The following P4HA1 variants were observed in gnomAD, a reference collection of about 807,000 sequenced individuals.
P4HA1 encodes the protein prolyl 4-hydroxylase subunit alpha-1.
A neutral mutation model predicts 72.8 loss-of-function variants in P4HA1; 24 were observed. The ratio of observed to expected loss-of-function variants is 0.33; its 90% CI spans 0.24 to 0.46. The LOEUF (loss-of-function observed/expected upper bound fraction) is 0.46. Ranked by LOEUF, P4HA1 falls within the 20% of genes least tolerant of loss-of-function variation. The pLI, the probability that P4HA1 is intolerant of heterozygous loss-of-function variation, is 1.00. For missense variants in P4HA1, 446 were observed against 640.6 expected (o/e 0.70, Z 3.28); for synonymous variants, 201 against 218.8 (o/e 0.92, Z 0.72).
chr10:73,047,013 T>C lies in P4HA1; in HGVS notation c.989A>G (p.Asp330Gly). ...AATAATACGAGGCTTGTCCCATTCA[T>C]CCTCCTGTTTAGCTGGAGCCAGAAT... ...KFILAPAKQE[D>G]EWDKPRIIRF... Residue 330 changes from aspartate (D) to glycine (G), a missense_variant, in exon 8 of 15, where the codon GAT (aspartate) becomes GGT (glycine). By Grantham distance (94) the Asp-to-Gly change is moderately conservative (BLOSUM62 -1). Coordinates refer to ENST00000394890, the MANE Select transcript of P4HA1 (RefSeq NM_001017962.3). The C allele has an allele frequency of 6.2e-7, 1 of 1,612,964 alleles. No homozygotes were observed. Among genetic ancestry groups the C allele is most frequent in the Non-Finnish European group, 8.5e-7 (1 of 1,178,976 alleles).
intron 5 of P4HA1, among the ~76,000 whole-genome samples, chr10:73,055,131 G>A (rs1841110105): frequency 1.3e-5 from 2 of 152,094 alleles, no homozygotes; most frequent in African/African-American, 4.8e-5. Context: ...TAGCTGAGAG[G>A]CTAAGGCAAG....
Position 73,064,154 on chromosome 10 carries a change from A to G in P4HA1, c.463+4692T>C, listed in dbSNP as rs528411993. Among the ~76,000 whole-genome samples, 3 of 152,282 alleles carry G rather than the reference A, an allele frequency of 2.0e-5. No individual in the cohort carries two copies. In the East Asian group the frequency reaches 5.8e-4, roughly 29 times the overall value. On this transcript the variant is annotated intron_variant, in intron 5 of 14. Transcript: ENST00000394890. ...TAAACTAACACTAAAGAGTCTTTTA[A>G]TTTATTGTCACAATAGAAACTATAA... is the stretch of plus-strand genomic sequence containing the variant.
At position 73,008,065 on chromosome 10, in the gene P4HA1, G is replaced by A; in HGVS notation, c.*157C>T. On this transcript the variant is annotated 3_prime_UTR_variant, in exon 15 of 15. Coordinates refer to ENST00000394890, the MANE Select transcript of P4HA1 (RefSeq NM_001017962.3). ...TGTTACTTTTAAAAGAACCCACAAA[G>A]TAAGCAATTGTCCACAGATGAAACA... 1 of 428,908 alleles carries A rather than the reference G, an allele frequency of 2.3e-6. No homozygotes were observed. The highest frequency in any genetic ancestry group is 4.1e-6 in the Non-Finnish European group (1 of 241,536). 26.6% of individuals were successfully genotyped at this position (428,908 alleles called of 1,614,324 possible).
intron 5 of P4HA1, among the ~76,000 whole-genome samples, chr10:73,054,082 A>G (rs1221181382): frequency 6.6e-6 from 1 of 151,998 alleles, no homozygotes; most frequent in South Asian, 2.1e-4. Context: ...ATGCCCAGCT[A>G]ATTTTGTATT....
rs148149926 is a variant in P4HA1, at chr10:73,071,722, A to T, written c.325+307T>A. Among the ~76,000 whole-genome samples the T allele has an allele frequency of 2.6e-5, 4 of 152,246 alleles. No homozygotes were observed. In the East Asian group the frequency reaches 7.7e-4, roughly 29 times the overall value. ...AAATTGATTGCAGATAAAGACATAA[A>T]TTTTTAAAGTTTGAAGGTAATCCTA... On this transcript the variant is annotated intron_variant, in intron 4 of 14. Coordinates refer to ENST00000394890, the MANE Select transcript of P4HA1 (RefSeq NM_001017962.3).
intron 9 of P4HA1, among the ~76,000 whole-genome samples, chr10:73,037,571 A>ATATATATTT (rs1238501206): frequency 3.3e-5 from 1 of 30,614 alleles, no homozygotes; most frequent in Non-Finnish European, 5.9e-5. Flanking sequence ...ATATATATAT[A>ATATATATTT]TTTTTTTTTT....
chr10:73,075,219 T>C (rs548549420), intron 1 of P4HA1, among the ~76,000 whole-genome samples: 101 of 152,264 alleles, frequency 6.6e-4, no homozygotes, highest in African/African-American at 2.2e-3. Context: ...GCGATTCTCA[T>C]GCCTCAGCCT....
intron 1 of P4HA1, among the ~76,000 whole-genome samples, chr10:73,091,990 C>T (rs537187505): frequency 6.6e-6 from 1 of 152,296 alleles, no homozygotes; most frequent in South Asian, 2.1e-4. Context: ...AGCTTCATCC[C>T]TCCCAAGGCT....
chr10:73,011,122 G>A (rs1239077921), intron 12 of P4HA1, 85 bp from the exon 13 acceptor site: 1 of 994,186 alleles, frequency 1.0e-6, no homozygotes, highest in Non-Finnish European at 1.6e-6. Flanking sequence ...TTGGATACTA[G>A]AATATTGGGA....
chr10:73,073,683 A>G (rs752977472), intron 3 of P4HA1, 48 bp downstream of exon 3: 2 of 899,898 alleles, frequency 2.2e-6, no homozygotes, highest in African/African-American at 3.3e-5. Context: ...TTGAGAAAGA[A>G]AACATCCAGG....
chr10:73,093,901 TATATATACAC>T (rs1486399183), intron 1 of P4HA1, among the ~76,000 whole-genome samples: 13 of 77,424 alleles, frequency 1.7e-4, no homozygotes, highest in African/African-American at 6.8e-4. Flanking sequence ...TATATATATA[TATATATACAC>T]ACACACACAC....
At chr10:73,062,436 C>A (rs572641637) in intron 5 of P4HA1, among the ~76,000 whole-genome samples, 1 of 151,910 alleles carries the variant, frequency 6.6e-6, no homozygotes, top group Non-Finnish European at 1.5e-5. Flanking sequence ...TATGACTTCT[C>A]CAACAACATT....
chr10:73,010,880 A>T, intron 13 of P4HA1, 89 bp downstream of exon 13: 1 of 944,866 alleles, frequency 1.1e-6, no homozygotes, highest in Non-Finnish European at 1.7e-6. Context: ...AGAAAAAAAA[A>T]TGTAATTCAT....
At position 73,053,337 on chromosome 10, in the gene P4HA1, C is replaced by G. The variant is rs1334615442; in HGVS notation, c.703+14G>C. 1 of 1,612,536 alleles carries G rather than the reference C, an allele frequency of 6.2e-7. No homozygotes were observed. Among genetic ancestry groups the G allele is most frequent in the South Asian group, 1.1e-5 (1 of 90,936 alleles). On this transcript the variant is annotated intron_variant, in intron 6 of 14. Coordinates refer to ENST00000394890, the MANE Select transcript of P4HA1 (RefSeq NM_001017962.3). Reference sequence around the variant, plus strand: ...AATATAACTATAACCTTAAATTAGGCCCAGATAACATACCTAGTTCAAGAA... The same window carrying G: ...AATATAACTATAACCTTAAATTAGGGCCAGATAACATACCTAGTTCAAGAA...
chr10:73,054,086 T>C lies in P4HA1; in HGVS notation c.464-496A>G, dbSNP rs1312418141. 2.0e-5 allele frequency among the ~76,000 whole-genome samples: 3 copies of C among 152,090 alleles called. No individual in the cohort carries two copies. In the East Asian group the frequency reaches 5.8e-4, roughly 29 times the overall value. Reference sequence around the variant, plus strand: ...CATGTGCCACCATGCCCAGCTAATTTTGTATTTTTAGTAGAGATGGAGTTG... The same window carrying C: ...CATGTGCCACCATGCCCAGCTAATTCTGTATTTTTAGTAGAGATGGAGTTG... On this transcript the variant is annotated intron_variant, in intron 5 of 14. Coordinates refer to ENST00000394890, the MANE Select transcript of P4HA1 (RefSeq NM_001017962.3).
Position 73,046,921 on chromosome 10 carries a change from T to C in P4HA1, c.1077+4A>G. ...TGAGGAGAAAGAAAGAAAACATTAT[T>C]TACCCTTGGTTTTGCTAGGTCTTTG... On this transcript the variant is annotated splice_donor_region_variant and intron_variant, in intron 8 of 14. Coordinates refer to ENST00000394890, the MANE Select transcript of P4HA1 (RefSeq NM_001017962.3). 6.3e-7 allele frequency: 1 copy of C among 1,586,466 alleles called. No homozygotes were observed. The highest frequency in any genetic ancestry group is 8.6e-7 in the Non-Finnish European group (1 of 1,161,402).
At chr10:73,038,857 A>G in intron 9 of P4HA1, among the ~76,000 whole-genome samples, 1 of 109,914 alleles carries the variant, frequency 9.1e-6, no homozygotes, top group Non-Finnish European at 1.7e-5. Context: ...CGATCTCCTG[A>G]CCTCGTGATC....
chr10:73,010,254 C>G (rs545714527), intron 13 of P4HA1, among the ~76,000 whole-genome samples: 97 of 152,278 alleles, frequency 6.4e-4, no homozygotes, highest in Non-Finnish European at 1.0e-3. Context: ...AGACGTGAGC[C>G]ACCGTGCCCG....
Position 73,072,023 on chromosome 10 carries a change from A to G in P4HA1, c.325+6T>C, listed in dbSNP as rs1841575908. The G allele has an allele frequency of 1.2e-6, 2 of 1,603,542 alleles. No homozygotes were observed. The highest frequency in any genetic ancestry group is 4.5e-5 in the East Asian group (2 of 44,758). On this transcript the variant is annotated splice_donor_region_variant and intron_variant, in intron 4 of 14. Transcript: ENST00000394890. ...TTACCTTACTCAGGAATCTCTTCAG[A>G]CTTACCATCTGACATATCCTTAAGG...
Sources: allele counts gnomAD v4.1 joint callset (sites outside exome capture counted in the v4.1 genomes callset), GRCh38; gene constraint gnomAD v4.1.1; transcripts MANE v1.5; gene names NCBI Gene and HGNC (gene_info 2026-07-23, HGNC 2026-07-21).